The following PDE8B variants were observed in gnomAD, a reference collection of about 807,000 sequenced individuals.
PDE8B encodes the protein high affinity cAMP-specific and IBMX-insensitive 3',5'-cyclic phosphodiesterase 8B.
In PDE8B, 26 loss-of-function variants were observed where a neutral mutation model predicts 101.3. That is an observed-to-expected ratio of 0.26 (90% CI 0.19 to 0.36). The LOEUF (loss-of-function observed/expected upper bound fraction) is 0.36. Among genes scored for constraint, PDE8B ranks in the 10% least tolerant of loss-of-function variants. The probability of loss-of-function intolerance (pLI) is 1.00; values close to 1 mark genes in which losing one functional copy is unlikely to be tolerated. For synonymous variants in PDE8B, 424 were observed against 429.3 expected (o/e 0.99, Z 0.15); for missense variants, 810 against 1,163.1 (o/e 0.70, Z 4.42).
the PDE8B span, among the ~76,000 whole-genome samples, chr5:77,200,779 A>G: frequency 2.0e-5 from 3 of 152,188 alleles, no homozygotes; most frequent in African/African-American, 7.2e-5. Flanking sequence ...AGTGTCAAGT[A>G]CCCTGGAAAG....
the PDE8B span, among the ~76,000 whole-genome samples, chr5:77,199,852 A>G: frequency 2.0e-5 from 3 of 152,154 alleles, no homozygotes; most frequent in African/African-American, 7.2e-5. Context: ...AGCCATTGTT[A>G]TTATTTTTCT....
intron 10 of PDE8B, among the ~76,000 whole-genome samples, chr5:77,392,810 T>G (rs915563789): frequency 3.3e-5 from 5 of 152,212 alleles, no homozygotes; most frequent in Non-Finnish European, 5.9e-5. Flanking sequence ...CCAGTGGGAT[T>G]CCAAATGAGG....
At chr5:77,345,956 C>T (rs1780076767) in intron 7 of PDE8B, among the ~76,000 whole-genome samples, 2 of 152,202 alleles carry the variant, frequency 1.3e-5, no homozygotes, top group Non-Finnish European at 2.9e-5. Context: ...CCCACCCTGC[C>T]TAGGCCCTGT....
chr5:77,304,821 C>T (rs1252781019), intron 1 of PDE8B, among the ~76,000 whole-genome samples: 1 of 152,038 alleles, frequency 6.6e-6, no homozygotes, highest in African/African-American at 2.4e-5. Flanking sequence ...GATAATTCAC[C>T]AAATATAAAA....
At chr5:77,221,338 T>C (rs575792609) in intron 1 of PDE8B, among the ~76,000 whole-genome samples, 1 of 152,298 alleles carries the variant, frequency 6.6e-6, no homozygotes, top group Non-Finnish European at 1.5e-5. Context: ...TCCTGTAGAT[T>C]TTCCCCCAAT....
chr5:77,347,151 CTTAA>C (rs1467114106), intron 7 of PDE8B, among the ~76,000 whole-genome samples: 2 of 152,238 alleles, frequency 1.3e-5, no homozygotes, highest in African/African-American at 2.4e-5. Flanking sequence ...CTTTAAAACA[CTTAA>C]TTGTTACTTG....
intron 2 of PDE8B, among the ~76,000 whole-genome samples, chr5:77,323,703 GATCCC>G (rs1320520568): frequency 1.3e-5 from 2 of 152,082 alleles, no homozygotes; most frequent in Non-Finnish European, 2.9e-5. Context: ...TCATGCTTGT[GATCCC>G]AGCACTTTGG....
chr5:77,345,466 G>A (rs569366152), intron 7 of PDE8B, among the ~76,000 whole-genome samples: 4 of 152,276 alleles, frequency 2.6e-5, no homozygotes, highest in African/African-American at 7.2e-5. Context: ...AGCTAGAACC[G>A]GGGTAAATTC....
At chr5:77,143,222 C>T in the PDE8B span, among the ~76,000 whole-genome samples, 2,700 of 152,234 alleles carry the variant, frequency 0.018, 67 homozygotes, top group African/African-American at 0.059. Flanking sequence ...TTCTCAACAT[C>T]GGAGAACTCC....
Position 77,378,049 on chromosome 5 carries a change from C to CACACACACACACACACACACACAT in PDE8B, c.1168-22199_1168-22198insACACACACACACACACACACACAT, listed in dbSNP as rs1554093056. ...ACACACACACACACACACACACACA[C>CACACACACACACACACACACACAT]CCCCTGTTGGTTCTTTGTCTAGAGA... On this transcript the variant is annotated intron_variant, in intron 10 of 21. Transcript: ENST00000264917. Among the ~76,000 whole-genome samples, 120 of 148,484 alleles carry CACACACACACACACACACACACAT rather than the reference C, an allele frequency of 8.1e-4. 2 individuals carry two copies. The highest frequency in any genetic ancestry group is 2.8e-3 in the African/African-American group (111 of 39,748).
chr5:77,170,387 C>T, the PDE8B span, among the ~76,000 whole-genome samples: 1 of 152,118 alleles, frequency 6.6e-6, no homozygotes, highest in Non-Finnish European at 1.5e-5. Flanking sequence ...CGTAATTAAC[C>T]ACAGAGCAGT....
chr5:77,259,065 CACA>C (rs1759847777), intron 1 of PDE8B, among the ~76,000 whole-genome samples: 7 of 93,750 alleles, frequency 7.5e-5, no homozygotes, highest in Non-Finnish European at 1.2e-4. Context: ...CACACACACA[CACA>C]CCCCCGCCCC....
chr5:77,407,552 C>T, intron 13 of PDE8B, 95 bp downstream of exon 13: 2 of 867,894 alleles, frequency 2.3e-6, no homozygotes, highest in East Asian at 4.9e-5. Context: ...GGAGCTCAGT[C>T]TAGTGGAAGA....
chr5:77,236,143 G>A (rs1343403262), intron 1 of PDE8B, among the ~76,000 whole-genome samples: 1 of 152,216 alleles, frequency 6.6e-6, no homozygotes, highest in East Asian at 1.9e-4. Context: ...TCTGGAGGAG[G>A]AATACCCCAG....
chr5:77,277,350 T>C (rs959236182), intron 1 of PDE8B, among the ~76,000 whole-genome samples: 2 of 152,220 alleles, frequency 1.3e-5, no homozygotes, highest in Admixed American at 6.5e-5. Context: ...GTTGTCAGAA[T>C]GCAAAAATTC....
intron 1 of PDE8B, chr5:77,291,730 A>G: frequency 1.3e-6 from 2 of 1,592,608 alleles, no homozygotes; most frequent in South Asian, 1.1e-5. Context: ...TGGAAACAGT[A>G]CATGAGAAGG....
chr5:77,367,854 T>C (rs1784429320), intron 10 of PDE8B, among the ~76,000 whole-genome samples: 1 of 152,158 alleles, frequency 6.6e-6, no homozygotes, highest in South Asian at 2.1e-4. Flanking sequence ...TTTCTAAGGC[T>C]TCCAGCAACA....
At chr5:77,097,732 T>TATATACAC in the PDE8B span, among the ~76,000 whole-genome samples, 1 of 65,230 alleles carries the variant, frequency 1.5e-5, no homozygotes, top group African/African-American at 3.9e-5. Flanking sequence ...TATATATATA[T>TATATACAC]ACATACATAT....
intron 1 of PDE8B, among the ~76,000 whole-genome samples, chr5:77,254,745 T>C (rs778517473): frequency 8.5e-5 from 13 of 152,260 alleles, no homozygotes; most frequent in Admixed American, 6.5e-5. Flanking sequence ...ATTTCTTTTG[T>C]GCCTGCTGTT....
Sources: allele counts gnomAD v4.1 joint callset (sites outside exome capture counted in the v4.1 genomes callset), GRCh38; gene constraint gnomAD v4.1.1; transcripts MANE v1.5; gene names NCBI Gene and HGNC (gene_info 2026-07-23, HGNC 2026-07-21).